Variants in NTNG1 observed in about 807,000 individuals in gnomAD.
NTNG1 encodes netrin G1.
In NTNG1, 16 loss-of-function variants were observed where a neutral mutation model predicts 54.0. That is an observed-to-expected ratio of 0.30 (90% CI 0.20 to 0.45). NTNG1 has a LOEUF of 0.45. Among genes scored for constraint, NTNG1 ranks in the 20% least tolerant of loss-of-function variants. NTNG1 has a pLI of 1.00. For synonymous variants in NTNG1, 255 were observed against 263.1 expected (o/e 0.97, Z 0.30); for missense variants, 530 against 678.7 (o/e 0.78, Z 2.43).
chr1:107,379,234 G>A (rs770400696), intron 3 of NTNG1, among the ~76,000 whole-genome samples: 9 of 152,276 alleles, frequency 5.9e-5, no homozygotes, highest in Admixed American at 1.3e-4. Context: ...GAACTGCATC[G>A]TGGCAGTTAT....
chr1:107,173,640 T>G (rs1481120434), intron 2 of NTNG1, among the ~76,000 whole-genome samples: 1 of 152,120 alleles, frequency 6.6e-6, no homozygotes, highest in Non-Finnish European at 1.5e-5. Context: ...GTGTGAGGTG[T>G]TTAATAAGTT....
At chr1:107,428,043 G>T (rs1266629555) in intron 5 of NTNG1, among the ~76,000 whole-genome samples, 1 of 152,134 alleles carries the variant, frequency 6.6e-6, no homozygotes, top group African/African-American at 2.4e-5. Context: ...TTATCAGGTA[G>T]ATTAAAGCAT....
intron 2 of NTNG1, among the ~76,000 whole-genome samples, chr1:107,303,365 C>T (rs1203096107): frequency 1.3e-5 from 2 of 152,120 alleles, no homozygotes; most frequent in African/African-American, 4.8e-5. Context: ...ATAAAAGAGA[C>T]ATTTATCCAA....
intron 2 of NTNG1, among the ~76,000 whole-genome samples, chr1:107,217,512 C>T (rs1213798824): frequency 4.0e-5 from 6 of 151,870 alleles, no homozygotes; most frequent in Admixed American, 3.3e-4. Flanking sequence ...TGGTTTGTTC[C>T]TGTTTCTCCA....
Position 107,375,286 on chromosome 1 carries a change from T to C in NTNG1, c.888-19868T>C, listed in dbSNP as rs79715200. Among the ~76,000 whole-genome samples the C allele has an allele frequency of 3.9e-5, 6 of 152,340 alleles. No individual in the cohort carries two copies. In the East Asian group the frequency reaches 9.7e-4, roughly 25 times the overall value. On this transcript the variant is annotated intron_variant, in intron 3 of 7. Coordinates refer to ENST00000370068, the MANE Select transcript of NTNG1 (RefSeq NM_001113226.3). ...TAGCTCAGCCTGCGTTCCTCCTTTC[T>C]ACACTCTGGCAAGCTAAGGCAGTCA...
intron 3 of NTNG1, among the ~76,000 whole-genome samples, chr1:107,329,441 C>A (rs938887061): frequency 1.1e-4 from 17 of 152,146 alleles, no homozygotes; most frequent in Admixed American, 9.8e-4. Flanking sequence ...TGAAGCACAA[C>A]TTCCACATGG....
At chr1:107,397,534 T>C (rs912936122) in intron 4 of NTNG1, among the ~76,000 whole-genome samples, 3 of 152,160 alleles carry the variant, frequency 2.0e-5, no homozygotes, top group African/African-American at 7.2e-5. Flanking sequence ...GTTTCCCATC[T>C]CTAATGCGAG....
chr1:107,185,287 C>A (rs1260294531), intron 2 of NTNG1, among the ~76,000 whole-genome samples: 1 of 152,172 alleles, frequency 6.6e-6, no homozygotes, highest in Non-Finnish European at 1.5e-5. Context: ...AAAGTGTTGG[C>A]AGGACTGCAC....
intron 2 of NTNG1, among the ~76,000 whole-genome samples, chr1:107,156,721 G>C (rs531870792): frequency 1.1e-4 from 17 of 152,222 alleles, no homozygotes; most frequent in African/African-American, 3.6e-4. Context: ...TTCCTGTGTG[G>C]TCCAGGGACA....
intron 3 of NTNG1, among the ~76,000 whole-genome samples, chr1:107,330,314 A>T (rs7555412): frequency 6.6e-6 from 1 of 151,950 alleles, no homozygotes; most frequent in Non-Finnish European, 1.5e-5. Flanking sequence ...ATTGACTACA[A>T]GTGAGGAACA....
chr1:107,215,393 C>A (rs1013883911), intron 2 of NTNG1, among the ~76,000 whole-genome samples: 17 of 152,050 alleles, frequency 1.1e-4, no homozygotes, highest in African/African-American at 3.9e-4. Context: ...AATAGGGTGT[C>A]CTTCCCCCAC....
intron 7 of NTNG1, among the ~76,000 whole-genome samples, chr1:107,465,517 T>C (rs573452401): frequency 1.3e-5 from 2 of 152,368 alleles, no homozygotes; most frequent in Non-Finnish European, 2.9e-5. Context: ...TCTATGTCTA[T>C]ATCTTTATCT....
At chr1:107,291,774 C>G (rs1405988957) in intron 2 of NTNG1, among the ~76,000 whole-genome samples, 2 of 152,132 alleles carry the variant, frequency 1.3e-5, no homozygotes, top group Non-Finnish European at 2.9e-5. Context: ...TAAATTCTAT[C>G]TAAAACCAAA....
intron 7 of NTNG1, among the ~76,000 whole-genome samples, chr1:107,460,613 G>A (rs554480751): frequency 5.9e-5 from 9 of 152,298 alleles, no homozygotes; most frequent in Admixed American, 2.6e-4. Context: ...TTATTCGATA[G>A]CTTCTTTTTT....
chr1:107,325,050 G>C, intron 3 of NTNG1, 128 bp downstream of exon 3: 1 of 956,094 alleles, frequency 1.0e-6, no homozygotes, highest in Non-Finnish European at 1.5e-6. Flanking sequence ...CTCCACTGTA[G>C]AAGTAGGTTC....
intron 2 of NTNG1, among the ~76,000 whole-genome samples, chr1:107,241,510 A>G (rs1418421932): frequency 6.6e-6 from 1 of 152,198 alleles, no homozygotes; most frequent in Non-Finnish European, 1.5e-5. Flanking sequence ...GCCAAGAACA[A>G]GCTAACCATA....
upstream of NTNG1, among the ~76,000 whole-genome samples, chr1:107,140,494 C>G (rs1653574104): frequency 6.6e-6 from 1 of 151,884 alleles, no homozygotes; most frequent in Non-Finnish European, 1.5e-5. Flanking sequence ...ATCAAACGGA[C>G]TTTGGGTGCG....
At chr1:107,476,678 T>C (rs183140842) in intron 7 of NTNG1, among the ~76,000 whole-genome samples, 2 of 152,346 alleles carry the variant, frequency 1.3e-5, no homozygotes, top group East Asian at 3.9e-4. Flanking sequence ...AAGTCCATTC[T>C]ATTTGAGTAT....
intron 5 of NTNG1, among the ~76,000 whole-genome samples, chr1:107,426,741 G>T (rs1179666810): frequency 6.6e-6 from 1 of 151,942 alleles, no homozygotes; most frequent in African/African-American, 2.4e-5. Flanking sequence ...AATTTGATAG[G>T]AATTGCACTG....
Sources: allele counts gnomAD v4.1 joint callset (sites outside exome capture counted in the v4.1 genomes callset), GRCh38; gene constraint gnomAD v4.1.1; transcripts MANE v1.5; gene names NCBI Gene and HGNC (gene_info 2026-07-23, HGNC 2026-07-21).